The following MTTP variants were observed in gnomAD, a reference collection of about 807,000 sequenced individuals.
The protein encoded by MTTP is microsomal triglyceride transfer protein, also known as microsomal triglyceride transfer protein large subunit.
In MTTP, 49 loss-of-function variants were observed where a neutral mutation model predicts 90.6. That is an observed-to-expected ratio of 0.54 (90% CI 0.43 to 0.69). The LOEUF (loss-of-function observed/expected upper bound fraction) is 0.69. Ranked by LOEUF, MTTP falls within the 30% of genes least tolerant of loss-of-function variation. MTTP has a pLI of 0.00. For missense variants in MTTP, 945 were observed against 1,067.5 expected, an observed-to-expected ratio of 0.89 and a Z score of 1.60; for synonymous variants, 347 against 384.2, an observed-to-expected ratio of 0.90 and a Z score of 1.13.
chr4:99,587,602 T>C (rs1480540395), intron 3 of MTTP, among the ~76,000 whole-genome samples: 1 of 152,172 alleles, frequency 6.6e-6, no homozygotes, highest in Non-Finnish European at 1.5e-5. Flanking sequence ...AGATACATTT[T>C]GTAGCCTGGA....
chr4:99,600,461 C>A, intron 8 of MTTP, 104 bp from the exon 9 acceptor site: 1 of 1,180,814 alleles, frequency 8.5e-7, no homozygotes, highest in Non-Finnish European at 1.2e-6. Context: ...AAAAAAATCA[C>A]TTCTTGAGAA....
At position 99,622,746 on chromosome 4, in the gene MTTP, C is replaced by T. The variant is rs773035173; in HGVS notation, c.2583C>T (p.Ser861=). ...ATGTCTCTCAGAAAAGAAAAGAAAG[C>T]GTATTAGCAGGATGTGAATTCCCGC... The part of the protein sequence containing the change: ...RGYVSQKRKE[S]VLAGCEFPLH... The change falls in exon 18 of 18, where the codon AGC becomes AGT. Residue 861 remains serine (S), a synonymous_variant. Coordinates refer to ENST00000265517, the MANE Select transcript of MTTP (RefSeq NM_001386140.1). 1.1e-5 allele frequency: 17 copies of T among 1,614,020 alleles called. No individual in the cohort carries two copies. The highest frequency in any genetic ancestry group is 8.8e-5 in the South Asian group (8 of 91,074).
intron 16 of MTTP, chr4:99,620,810 T>C (rs1441026216): frequency 1.9e-6 from 1 of 527,268 alleles, no homozygotes; most frequent in African/African-American, 1.9e-5. Context: ...TTACAGACAC[T>C]CCCCACATCT....
chr4:99,619,022 G>C lies in MTTP; in HGVS notation c.2266G>C (p.Gly756Arg). 1 of 1,613,576 alleles carries C rather than the reference G, an allele frequency of 6.2e-7. No homozygotes were observed. The highest frequency in any genetic ancestry group is 8.5e-7 in the Non-Finnish European group (1 of 1,179,642). Residue 756 changes from glycine (G) to arginine (R), a missense_variant, in exon 16 of 18, where the codon GGT (glycine) becomes CGT (arginine). Gly to Arg is a moderately radical substitution (Grantham distance 125). Transcript: ENST00000265517. Reference sequence around the variant, plus strand: ...AAAAGCCAATATAGAGGTCCAGGGTGGTCTAGCTATTGATATTTCAGGTGC... The same window carrying C: ...AAAAGCCAATATAGAGGTCCAGGGTCGTCTAGCTATTGATATTTCAGGTGC... ...GLKANIEVQG[G>R]LAIDISGAME...
intron 5 of MTTP, 39 bp downstream of exon 5, chr4:99,591,390 T>C (rs1210185642): frequency 7.1e-7 from 1 of 1,416,146 alleles, no homozygotes; most frequent in South Asian, 1.2e-5. Flanking sequence ...ATTAAAATAA[T>C]TACATTTTGT....
At chr4:99,613,506 A>G (rs1169403050) in intron 15 of MTTP, among the ~76,000 whole-genome samples, 2 of 152,212 alleles carry the variant, frequency 1.3e-5, no homozygotes, top group Non-Finnish European at 2.9e-5. Flanking sequence ...ATGTGGCCTT[A>G]TAAGTCACTG....
At chr4:99,565,401 CTAT>C (rs10538741) in intron 1 of MTTP, among the ~76,000 whole-genome samples, 39,721 of 151,916 alleles carry the variant, frequency 0.26, 5,341 homozygotes, top group South Asian at 0.35. Flanking sequence ...TAAAATGATT[CTAT>C]TATTAATCCA....
Position 99,591,795 on chromosome 4 carries a change from G to C in MTTP, c.758+5G>C. On this transcript the variant is annotated splice_donor_5th_base_variant and intron_variant, in intron 6 of 17. Coordinates refer to ENST00000265517, the MANE Select transcript of MTTP (RefSeq NM_001386140.1). Reference sequence around the variant, plus strand: ...TAAGGGGAAAATAGTATCGAAGTAAGATAATGCTAAAATTTTTATTTTCTT... The same window carrying C: ...TAAGGGGAAAATAGTATCGAAGTAACATAATGCTAAAATTTTTATTTTCTT... 6.2e-7 allele frequency: 1 copy of C among 1,606,780 alleles called. No homozygotes were observed. The highest frequency in any genetic ancestry group is 8.5e-7 in the Non-Finnish European group (1 of 1,174,286).
chr4:99,616,754 C>G (rs926134911), intron 15 of MTTP, among the ~76,000 whole-genome samples: 2 of 152,084 alleles, frequency 1.3e-5, no homozygotes, highest in African/African-American at 4.8e-5. Context: ...TTCTTTTGTC[C>G]CTTTGTGTAA....
intron 16 of MTTP, among the ~76,000 whole-genome samples, chr4:99,620,472 C>T (rs535736144): frequency 3.9e-5 from 6 of 152,138 alleles, no homozygotes; most frequent in Non-Finnish European, 7.3e-5. Context: ...ATTAAAGGAC[C>T]CACCATATTT....
At chr4:99,611,281 A>C in intron 13 of MTTP, 41 bp downstream of exon 13, 1 of 1,613,766 alleles carries the variant, frequency 6.2e-7, no homozygotes, top group Non-Finnish European at 8.5e-7. Context: ...ATACCCCACA[A>C]CTTAGCATTG....
intron 3 of MTTP, among the ~76,000 whole-genome samples, chr4:99,585,315 A>G (rs1233594751): frequency 3.3e-5 from 5 of 152,134 alleles, no homozygotes; most frequent in Non-Finnish European, 7.4e-5. Context: ...ATGAGGAACC[A>G]AAGTTAAGAA....
At chr4:99,575,010 C>G in intron 1 of MTTP, 40 bp downstream of exon 1, 1 of 1,607,688 alleles carries the variant, frequency 6.2e-7, no homozygotes, top group Non-Finnish European at 8.5e-7. Flanking sequence ...TAATTTCCAT[C>G]TTTGGAGTTG....
chr4:99,592,727 G>C (rs1468211217), intron 6 of MTTP, among the ~76,000 whole-genome samples: 1 of 151,958 alleles, frequency 6.6e-6, no homozygotes, highest in Non-Finnish European at 1.5e-5. Flanking sequence ...TGATAACAAT[G>C]CCTTCTTCTG....
upstream of MTTP, among the ~76,000 whole-genome samples, chr4:99,571,760 A>G (rs937427955): frequency 5.9e-5 from 9 of 151,964 alleles, no homozygotes; most frequent in African/African-American, 1.7e-4. Flanking sequence ...AAGTCATCAC[A>G]TTAAGAATAT....
intron 6 of MTTP, among the ~76,000 whole-genome samples, chr4:99,593,037 C>T (rs901177245): frequency 6.6e-6 from 1 of 152,094 alleles, no homozygotes; most frequent in African/African-American, 2.4e-5. Flanking sequence ...AATGTTTCAG[C>T]TTCATAATTT....
rs149228079 is a variant in MTTP at position 99,613,067 on chromosome 4, C to T, written c.2144C>T (p.Ser715Phe). 1 of 1,614,066 alleles carries T rather than the reference C, an allele frequency of 6.2e-7. No homozygotes were observed. Among genetic ancestry groups the T allele is most frequent in the Non-Finnish European group, 8.5e-7 (1 of 1,179,960 alleles). The change falls in exon 15 of 18, where the codon TCC (serine) becomes TTC (phenylalanine). Residue 715 changes from serine (S) to phenylalanine (F), a missense_variant. Physicochemically the swap from Ser to Phe is radical, Grantham distance 155. Transcript: ENST00000265517. Reference sequence around the variant, plus strand: ...TTCAACGGATACAGTGATTTGATGTCCAAAATGCTGTCAGCATCTGGCGAC... The same window carrying T: ...TTCAACGGATACAGTGATTTGATGTTCAAAATGCTGTCAGCATCTGGCGAC... ...TFFNGYSDLM[S>F]KMLSASGDPI...
Position 99,611,499 on chromosome 4 carries a change from T to A in MTTP, c.1989+46T>A, listed in dbSNP as rs1177864335. On this transcript the variant is annotated intron_variant, in intron 14 of 17. Coordinates refer to ENST00000265517, the MANE Select transcript of MTTP (RefSeq NM_001386140.1). ...TTTGCTTAATAAAGTATGCAAGAAA[T>A]CAGGCTGAGGTAAAATAAAACATAT... 1.9e-6 allele frequency: 3 copies of A among 1,606,238 alleles called. No individual in the cohort carries two copies. In the Admixed American group the frequency reaches 5.0e-5, roughly 27 times the overall value.
chr4:99,590,131 T>C (rs1725379467), intron 4 of MTTP, among the ~76,000 whole-genome samples: 1 of 152,134 alleles, frequency 6.6e-6, no homozygotes, highest in African/African-American at 2.4e-5. Context: ...AGTCTCACTC[T>C]GTGGCCCAGG....
Sources: gnomAD v4.1 joint callset for allele counts (sites outside exome capture counted in the v4.1 genomes callset) on GRCh38, gnomAD v4.1.1 for gene constraint, MANE v1.5 for transcripts, NCBI Gene and HGNC (gene_info 2026-07-23, HGNC 2026-07-21) for gene names.